The following CCDC91 variants were observed in gnomAD, a reference collection of about 807,000 sequenced individuals.
CCDC91 encodes coiled-coil domain-containing protein 91.
A neutral mutation model predicts 63.2 loss-of-function variants in CCDC91; 48 were observed. The ratio of observed to expected loss-of-function variants is 0.76; its 90% confidence interval spans 0.60 to 0.97. The LOEUF (loss-of-function observed/expected upper bound fraction) is 0.97. Ranked by LOEUF, CCDC91 falls within the 50% of genes least tolerant of loss-of-function variation. CCDC91 has a pLI of 0.00. For synonymous variants in CCDC91, 167 were observed against 165.8 expected (o/e 1.01, Z -0.06); for missense variants, 500 against 494.6 (o/e 1.01, Z -0.10).
chr12:28,257,200 A>G lies in CCDC91; in HGVS notation c.-14-2A>G. On this transcript the variant is annotated splice_acceptor_variant, in intron 1 of 12. Coordinates refer to ENST00000536442, the MANE Select transcript of CCDC91 (RefSeq NM_018318.5). LOFTEE classifies it low-confidence loss of function (5UTR_SPLICE). ...CTTGTTTCAATATCTTATATTTTTCAGGTGCCACTTGAAGAATGGATGATG... is the reference window on the plus strand; with the variant it reads ...CTTGTTTCAATATCTTATATTTTTCGGGTGCCACTTGAAGAATGGATGATG... 2 of 1,601,346 alleles carry G rather than the reference A, an allele frequency of 1.2e-6. No individual in the cohort carries two copies. The highest frequency in any genetic ancestry group is 1.7e-6 in the Non-Finnish European group (2 of 1,168,796).
At chr12:28,439,873 A>T (rs1394783564) in intron 8 of CCDC91, among the ~76,000 whole-genome samples, 1 of 151,318 alleles carries the variant, frequency 6.6e-6, no homozygotes, top group African/African-American at 2.4e-5. Flanking sequence ...CCTTTATTTT[A>T]GGTTAATTTT....
chr12:28,392,803 A>T (rs533684363), intron 8 of CCDC91, among the ~76,000 whole-genome samples: 1 of 152,224 alleles, frequency 6.6e-6, no homozygotes, highest in Non-Finnish European at 1.5e-5. Flanking sequence ...TAGGAGGGGA[A>T]TAGTGTGCTG....
At chr12:28,304,221 A>G (rs1487389471) in intron 3 of CCDC91, among the ~76,000 whole-genome samples, 1 of 151,548 alleles carries the variant, frequency 6.6e-6, no homozygotes, top group African/African-American at 2.4e-5. Context: ...TACTAAAAAT[A>G]CAAAAATTAG....
At chr12:28,387,595 C>T (rs922280661) in intron 7 of CCDC91, among the ~76,000 whole-genome samples, 1 of 152,246 alleles carries the variant, frequency 6.6e-6, no homozygotes, top group African/African-American at 2.4e-5. Flanking sequence ...TATGCCTTTG[C>T]AGCCTCATAG....
chr12:28,287,443 C>G (rs920640249), intron 3 of CCDC91, among the ~76,000 whole-genome samples: 3 of 152,078 alleles, frequency 2.0e-5, no homozygotes, highest in African/African-American at 7.2e-5. Flanking sequence ...CTAGTTATCC[C>G]AGCACTATTT....
At chr12:28,466,085 T>G (rs1950536905) in intron 11 of CCDC91, among the ~76,000 whole-genome samples, 1 of 152,130 alleles carries the variant, frequency 6.6e-6, no homozygotes, top group Non-Finnish European at 1.5e-5. Context: ...AAAGAATTAC[T>G]GCACTTGAAG....
chr12:28,337,200 G>A (rs1942050089), intron 6 of CCDC91, among the ~76,000 whole-genome samples: 3 of 152,074 alleles, frequency 2.0e-5, no homozygotes, highest in Non-Finnish European at 4.4e-5. Flanking sequence ...TAGGAGATAA[G>A]TTATCTTTCA....
At chr12:28,216,772 A>G (rs550508767) in intron 1 of CCDC91, among the ~76,000 whole-genome samples, 1 of 152,162 alleles carries the variant, frequency 6.6e-6, no homozygotes, top group East Asian at 1.9e-4. Flanking sequence ...TCAGGAGAGA[A>G]AATCGTTGTG....
intron 3 of CCDC91, among the ~76,000 whole-genome samples, chr12:28,283,727 A>C (rs1948742228): frequency 6.6e-6 from 1 of 152,202 alleles, no homozygotes; most frequent in African/African-American, 2.4e-5. Context: ...TAGCTTATAC[A>C]TATAGCCTGA....
At position 28,491,261 on chromosome 12, in the gene CCDC91, G is replaced by A. The variant is rs569906005; in HGVS notation, c.1215+7096G>A. Among the ~76,000 whole-genome samples the A allele has an allele frequency of 4.6e-5, 7 of 151,592 alleles. No individual in the cohort carries two copies. In the South Asian group the frequency reaches 1.0e-3, roughly 22 times the overall value. On this transcript the variant is annotated intron_variant, in intron 12 of 12. Coordinates refer to ENST00000536442, the MANE Select transcript of CCDC91 (RefSeq NM_018318.5). ...TAATGACAACTAACTTTATTCTTTG[G>A]TAAAATGATTTAACTTTAAAAAACA...
At chr12:28,217,701 G>A (rs747901236) in intron 1 of CCDC91, among the ~76,000 whole-genome samples, 5 of 151,958 alleles carry the variant, frequency 3.3e-5, no homozygotes, top group Non-Finnish European at 7.4e-5. Context: ...TGATGAAGGC[G>A]ACCCTAGGCA....
At chr12:28,212,087 G>A (rs999336935) in intron 1 of CCDC91, among the ~76,000 whole-genome samples, 21 of 152,108 alleles carry the variant, frequency 1.4e-4, no homozygotes, top group Non-Finnish European at 2.8e-4. Context: ...AGAACTTACC[G>A]CAATCCCCAG....
At chr12:28,423,036 G>A (rs1056141090) in intron 8 of CCDC91, among the ~76,000 whole-genome samples, 2 of 151,872 alleles carry the variant, frequency 1.3e-5, no homozygotes, top group Non-Finnish European at 2.9e-5. Context: ...TCTGACAGAG[G>A]AAATTATTAA....
At chr12:28,235,346 T>C (rs1944873624) in intron 1 of CCDC91, among the ~76,000 whole-genome samples, 1 of 152,146 alleles carries the variant, frequency 6.6e-6, no homozygotes, top group Non-Finnish European at 1.5e-5. Context: ...ATTAATGGCA[T>C]TCTTATTTTT....
intron 11 of CCDC91, among the ~76,000 whole-genome samples, chr12:28,469,097 C>A (rs1369874237): frequency 6.6e-6 from 1 of 151,634 alleles, no homozygotes; most frequent in Non-Finnish European, 1.5e-5. Context: ...AGTAGTCAGA[C>A]AAGAAAAAGA....
At chr12:28,220,431 C>CATATTCTATAATTT (rs1943860576) in intron 1 of CCDC91, among the ~76,000 whole-genome samples, 1 of 151,990 alleles carries the variant, frequency 6.6e-6, no homozygotes, top group South Asian at 2.1e-4. Context: ...TTTACTTCTA[C>CATATTCTATAATTT]ATATTCTATA....
At chr12:28,509,129 A>C (rs888698982) in intron 12 of CCDC91, among the ~76,000 whole-genome samples, 1 of 151,932 alleles carries the variant, frequency 6.6e-6, no homozygotes, top group African/African-American at 2.4e-5. Flanking sequence ...GTTGTGTCTT[A>C]GCATCCTCTC....
chr12:28,272,626 T>G (rs1215370785), intron 3 of CCDC91, among the ~76,000 whole-genome samples: 1 of 152,024 alleles, frequency 6.6e-6, no homozygotes, highest in Non-Finnish European at 1.5e-5. Flanking sequence ...TATTCATATA[T>G]TCTGCTATTT....
chr12:28,487,414 T>C (rs1018451579), intron 12 of CCDC91, among the ~76,000 whole-genome samples: 1 of 151,872 alleles, frequency 6.6e-6, no homozygotes, highest in Non-Finnish European at 1.5e-5. Flanking sequence ...TTTGAGTTAA[T>C]TTTTATGAAT....
Sources: allele counts gnomAD v4.1 joint callset (sites outside exome capture counted in the v4.1 genomes callset), GRCh38; gene constraint gnomAD v4.1.1; transcripts MANE v1.5; gene names NCBI Gene and HGNC (gene_info 2026-07-23, HGNC 2026-07-21).